Variants in EXOC4 observed in about 807,000 individuals in gnomAD.
EXOC4 encodes SEC8-like 1.
Under a neutral mutation model 107.2 loss-of-function variants are expected in EXOC4, and 71 were observed. The ratio of observed to expected loss-of-function variants is 0.66; its 90% CI spans 0.55 to 0.81. The LOEUF (loss-of-function observed/expected upper bound fraction) is 0.81. Among genes scored for constraint, EXOC4 ranks in the 30% least tolerant of loss-of-function variants. The probability of loss-of-function intolerance (pLI) is 0.00; values close to 1 mark genes in which losing one functional copy is unlikely to be tolerated. For missense variants in EXOC4, 1,108 were observed against 1,189.6 expected, an observed-to-expected ratio of 0.93 and a Z score of 1.01; for synonymous variants, 456 against 441.2, an observed-to-expected ratio of 1.03 and a Z score of -0.42.
At chr7:133,313,920 C>G (rs1020416527) in intron 4 of EXOC4, among the ~76,000 whole-genome samples, 2 of 152,126 alleles carry the variant, frequency 1.3e-5, no homozygotes, top group Non-Finnish European at 2.9e-5. Context: ...GCAGGGATTA[C>G]TGTACATCAG....
At chr7:133,834,032 C>T (rs113527151) in intron 11 of EXOC4, among the ~76,000 whole-genome samples, 6 of 152,244 alleles carry the variant, frequency 3.9e-5, no homozygotes, top group African/African-American at 1.4e-4. Flanking sequence ...CTTGAATGCA[C>T]AGTGACCCCT....
rs754557338 is a variant in EXOC4 at position 133,817,471 on chromosome 7, C to T, written c.1661C>T (p.Thr554Ile). ...AAGGAGATTGAAGGAGTCACTAAAACATCTGACCCTTTGAAGATTCTGGCC... is the reference window on the plus strand; with the variant it reads ...AAGGAGATTGAAGGAGTCACTAAAATATCTGACCCTTTGAAGATTCTGGCC... ...INKEIEGVTKTSDPLKILANA... is the reference protein window; with the variant it reads ...INKEIEGVTKISDPLKILANA... Residue 554 changes from threonine to isoleucine, a missense_variant, in exon 11 of 18, where the codon ACA becomes ATA. Physicochemically the swap from Thr to Ile is moderately conservative, Grantham distance 89. Coordinates refer to ENST00000253861, the MANE Select transcript of EXOC4 (RefSeq NM_021807.4). 6.2e-7 allele frequency: 1 copy of T among 1,614,156 alleles called. No individual in the cohort carries two copies. Among genetic ancestry groups the T allele is most frequent in the Non-Finnish European group, 8.5e-7 (1 of 1,180,006 alleles).
intron 10 of EXOC4, among the ~76,000 whole-genome samples, chr7:133,792,581 G>A (rs544942809): frequency 5.0e-4 from 58 of 114,916 alleles, no homozygotes; most frequent in Non-Finnish European, 7.5e-4. Context: ...AAACCTAAAA[G>A]GTACTTTTTA....
At chr7:133,408,534 G>C (rs1254533409) in intron 7 of EXOC4, among the ~76,000 whole-genome samples, 1 of 151,924 alleles carries the variant, frequency 6.6e-6, no homozygotes, top group Non-Finnish European at 1.5e-5. Context: ...ATGGAGTTGA[G>C]GAGGGGGCGG....
chr7:133,543,311 A>T (rs980536492), intron 9 of EXOC4, among the ~76,000 whole-genome samples: 1 of 152,122 alleles, frequency 6.6e-6, no homozygotes, highest in Non-Finnish European at 1.5e-5. Context: ...TCAAGCATCG[A>T]TGATATAATT....
chr7:133,996,188 G>A (rs1268230396), intron 14 of EXOC4, among the ~76,000 whole-genome samples: 1 of 152,108 alleles, frequency 6.6e-6, no homozygotes, highest in African/African-American at 2.4e-5. Context: ...TTTATATGTT[G>A]TTATTCTAAG....
At chr7:133,971,081 G>A (rs1801210242) in intron 14 of EXOC4, among the ~76,000 whole-genome samples, 1 of 151,942 alleles carries the variant, frequency 6.6e-6, no homozygotes, top group Admixed American at 6.6e-5. Context: ...AAACTCCAGA[G>A]AAATGAAATA....
At chr7:133,820,735 G>A (rs904881720) in intron 11 of EXOC4, among the ~76,000 whole-genome samples, 1 of 152,226 alleles carries the variant, frequency 6.6e-6, no homozygotes, top group African/African-American at 2.4e-5. Flanking sequence ...GTGTCACACA[G>A]CATCAGCCCA....
Position 133,630,128 on chromosome 7 carries a change from C to T in EXOC4, c.1501C>T (p.His501Tyr), listed in dbSNP as rs1802554561. Residue 501 changes from histidine (H) to tyrosine (Y), a missense_variant, in exon 10 of 18, where the codon CAC becomes TAC. His to Tyr is a moderately conservative substitution (Grantham distance 83, BLOSUM62 2). Coordinates refer to ENST00000253861, the MANE Select transcript of EXOC4 (RefSeq NM_021807.4). ...PGARNITVIFHPLLRFIQEIE... is the reference protein window; with the variant it reads ...PGARNITVIFYPLLRFIQEIE... ...AGCCAGAAACATTACCGTCATATTC[C>T]ACCCATTACTAAGGTAAGTCAAGTG... 2 of 1,612,448 alleles carry T rather than the reference C, an allele frequency of 1.2e-6. No individual in the cohort carries two copies. The highest frequency in any genetic ancestry group is 8.5e-7 in the Non-Finnish European group (1 of 1,178,732).
At chr7:133,927,180 C>T (rs1028000622) in intron 13 of EXOC4, among the ~76,000 whole-genome samples, 3 of 150,630 alleles carry the variant, frequency 2.0e-5, no homozygotes, top group African/African-American at 7.3e-5. Flanking sequence ...AGTGAACTCT[C>T]TGAAAGTTAC....
rs577694854 is a variant in EXOC4 at position 133,567,837 on chromosome 7, C to G, written c.1418-62208C>G. ...GAGCTCACTCCTGTGATAACTAATT[C>G]ATTCCCGTGATAGGAATACTAGTTC... On this transcript the variant is annotated intron_variant, in intron 9 of 17. Transcript: ENST00000253861. Among the ~76,000 whole-genome samples the G allele has an allele frequency of 2.8e-4, 42 of 152,294 alleles. 1 individual carries two copies. The highest frequency in any genetic ancestry group is 3.3e-4 in the Admixed American group (5 of 15,296).
intron 1 of EXOC4, chr7:133,253,413 T>G: frequency 2.3e-6 from 3 of 1,307,600 alleles, no homozygotes; most frequent in Non-Finnish European, 2.9e-6. Flanking sequence ...CAGTCTTTTC[T>G]TTAGGGGCAG....
chr7:133,676,190 A>G (rs914122245), intron 10 of EXOC4, among the ~76,000 whole-genome samples: 1 of 151,944 alleles, frequency 6.6e-6, no homozygotes, highest in African/African-American at 2.4e-5. Flanking sequence ...ACTAGATGGT[A>G]CTCATCCTCT....
chr7:134,070,792 A>AT (rs55944102), downstream of EXOC4, among the ~76,000 whole-genome samples: 110,430 of 150,352 alleles, frequency 0.73, 40,911 homozygotes, highest in East Asian at 0.85. Flanking sequence ...AAAAAAAATA[A>AT]AAGGAACTTA....
At chr7:133,660,264 G>A (rs1398893445) in intron 10 of EXOC4, among the ~76,000 whole-genome samples, 1 of 151,414 alleles carries the variant, frequency 6.6e-6, no homozygotes, top group Non-Finnish European at 1.5e-5. Flanking sequence ...TTGATCAATA[G>A]ACTGCAGAAT....
chr7:134,004,334 C>G (rs553358981), intron 15 of EXOC4, among the ~76,000 whole-genome samples: 2 of 152,238 alleles, frequency 1.3e-5, no homozygotes, highest in African/African-American at 4.8e-5. Flanking sequence ...GTAGTAGTTA[C>G]TCACAGCACC....
intron 5 of EXOC4, among the ~76,000 whole-genome samples, chr7:133,354,739 G>A (rs763984838): frequency 6.6e-6 from 1 of 152,156 alleles, no homozygotes; most frequent in African/African-American, 2.4e-5. Context: ...CCCACCAGGT[G>A]TGTGCAAGGT....
chr7:133,371,174 T>A, intron 6 of EXOC4, among the ~76,000 whole-genome samples: 1 of 152,308 alleles, frequency 6.6e-6, no homozygotes, highest in South Asian at 2.1e-4. Context: ...TCCTCTTCAG[T>A]GCTAGAGAGG....
chr7:133,261,626 G>C (rs1011242468), intron 1 of EXOC4, among the ~76,000 whole-genome samples: 1 of 152,028 alleles, frequency 6.6e-6, no homozygotes, highest in African/African-American at 2.4e-5. Context: ...CACTATTCTT[G>C]AGCTTTGTTC....
Sources: allele counts gnomAD v4.1 joint callset (sites outside exome capture counted in the v4.1 genomes callset), GRCh38; gene constraint gnomAD v4.1.1; transcripts MANE v1.5; gene names NCBI Gene and HGNC (gene_info 2026-07-23, HGNC 2026-07-21).